Variants in DENND1B observed in about 807,000 individuals in gnomAD.
The protein encoded by DENND1B is DENN domain-containing protein 1B.
Under a neutral mutation model 90.1 loss-of-function variants are expected in DENND1B, and 59 were observed. That is an observed-to-expected ratio of 0.65 (90% confidence interval 0.53 to 0.81). DENND1B has a LOEUF of 0.81. Ranked by LOEUF, DENND1B falls within the 40% of genes least tolerant of loss-of-function variation. The pLI is 0.00. For synonymous variants in DENND1B, 337 were observed against 324.6 expected, an observed-to-expected ratio of 1.04 and a Z score of -0.41; for missense variants, 862 against 912.6, an observed-to-expected ratio of 0.94 and a Z score of 0.71.
intron 10 of DENND1B, among the ~76,000 whole-genome samples, chr1:197,636,803 G>A (rs141200545): frequency 6.6e-6 from 1 of 152,212 alleles, no homozygotes; most frequent in Non-Finnish European, 1.5e-5. Context: ...AGGAATCGGA[G>A]AAGAAAAGAT....
intron 3 of DENND1B, among the ~76,000 whole-genome samples, chr1:197,679,608 C>T (rs1656448660): frequency 6.7e-6 from 1 of 150,070 alleles, no homozygotes; most frequent in Non-Finnish European, 1.5e-5. Flanking sequence ...TATTTATGTA[C>T]TTACATATAT....
chr1:197,514,227 G>GCTTT (rs762997479), intron 20 of DENND1B, among the ~76,000 whole-genome samples: 3 of 151,616 alleles, frequency 2.0e-5, no homozygotes, highest in Non-Finnish European at 4.4e-5. Flanking sequence ...ATAAAGAAGA[G>GCTTT]CTTTACCTTA....
chr1:197,648,792 C>T (rs960031399), intron 7 of DENND1B, among the ~76,000 whole-genome samples: 2 of 152,110 alleles, frequency 1.3e-5, no homozygotes, highest in African/African-American at 2.4e-5. Context: ...GATCTCCTTT[C>T]CTTTTCCCTA....
chr1:197,561,622 T>G (rs1240228182), intron 15 of DENND1B, among the ~76,000 whole-genome samples: 1 of 151,824 alleles, frequency 6.6e-6, no homozygotes, highest in East Asian at 1.9e-4. Context: ...TCCATCCACT[T>G]ACCTAATCAA....
chr1:197,541,136 G>C (rs971161711), intron 18 of DENND1B, 121 bp from the exon 19 acceptor site: 2 of 888,000 alleles, frequency 2.3e-6, no homozygotes, highest in African/African-American at 3.5e-5. Flanking sequence ...AAAAAGAACA[G>C]ATTATAATCT....
intron 20 of DENND1B, among the ~76,000 whole-genome samples, chr1:197,537,502 A>T (rs1669998519): frequency 6.6e-6 from 1 of 152,114 alleles, no homozygotes; most frequent in Non-Finnish European, 1.5e-5. Flanking sequence ...TGTGAGGACT[A>T]TAGTTAATAA....
At chr1:197,754,659 C>CAAAAAAAAAAAAAAAAAAAA (rs57926782) in intron 2 of DENND1B, among the ~76,000 whole-genome samples, 6 of 72,894 alleles carry the variant, frequency 8.2e-5, no homozygotes, top group African/African-American at 2.2e-4. Flanking sequence ...GACTCTGTCT[C>CAAAAAAAAAAAAAAAAAAAA]AAAAAAAAAA....
chr1:197,529,889 C>T (rs554478809), intron 20 of DENND1B, among the ~76,000 whole-genome samples: 1 of 152,242 alleles, frequency 6.6e-6, no homozygotes, highest in Non-Finnish European at 1.5e-5. Context: ...TCTCAGTGGA[C>T]TCACTGGCCC....
At chr1:197,565,016 A>G (rs1437094867) in intron 15 of DENND1B, among the ~76,000 whole-genome samples, 1 of 151,940 alleles carries the variant, frequency 6.6e-6, no homozygotes, top group African/African-American at 2.4e-5. Context: ...TCATTTTTTC[A>G]TGTTATAAAA....
At chr1:197,751,437 A>G (rs1252032258) in intron 2 of DENND1B, among the ~76,000 whole-genome samples, 2 of 152,224 alleles carry the variant, frequency 1.3e-5, no homozygotes, top group African/African-American at 2.4e-5. Context: ...ACACTGCTTA[A>G]AAGTCAATTT....
chr1:197,668,286 A>C (rs1655142496), intron 5 of DENND1B, among the ~76,000 whole-genome samples: 1 of 151,804 alleles, frequency 6.6e-6, no homozygotes, highest in Non-Finnish European at 1.5e-5. Context: ...AAGTCTATTA[A>C]GAATTATGTG....
rs994916770 is a variant in DENND1B at position 197,725,734 on chromosome 1, A to C, written c.83-10660T>G. 6.6e-5 allele frequency among the ~76,000 whole-genome samples: 10 copies of C among 151,990 alleles called. No homozygotes were observed. The East Asian group carries it at 1.9e-3, about 29-fold the overall frequency. On this transcript the variant is annotated intron_variant, in intron 2 of 22. Transcript: ENST00000620048. ...GAGGTCAGAGAGTTAAGGGGGAACA[A>C]GCAGAACATAAAGGGCCTTGAGAGT...
chr1:197,551,344 G>C (rs1671226311), intron 16 of DENND1B, among the ~76,000 whole-genome samples: 1 of 151,982 alleles, frequency 6.6e-6, no homozygotes. Flanking sequence ...TGTCAAATTA[G>C]GCTTTCCTTT....
intron 20 of DENND1B, among the ~76,000 whole-genome samples, chr1:197,521,123 G>A (rs1209907492): frequency 6.6e-6 from 1 of 151,962 alleles, no homozygotes; most frequent in African/African-American, 2.4e-5. Flanking sequence ...TACACAAAAT[G>A]TGACAGAGGT....
At chr1:197,745,047 A>G (rs1386949497) in intron 2 of DENND1B, among the ~76,000 whole-genome samples, 2 of 152,134 alleles carry the variant, frequency 1.3e-5, no homozygotes, top group Admixed American at 6.5e-5. Context: ...GAGAGTTAAG[A>G]CCTTGCTCTG....
At chr1:197,631,559 T>A (rs1219346717) in intron 10 of DENND1B, among the ~76,000 whole-genome samples, 1 of 151,960 alleles carries the variant, frequency 6.6e-6, no homozygotes, top group Non-Finnish European at 1.5e-5. Context: ...ATATTTGAAA[T>A]CATAATTTAA....
intron 6 of DENND1B, among the ~76,000 whole-genome samples, chr1:197,656,876 T>C (rs1167792711): frequency 1.3e-5 from 2 of 152,134 alleles, no homozygotes; most frequent in Non-Finnish European, 2.9e-5. Context: ...TAGAATTTTG[T>C]TCATTCAAAA....
intron 2 of DENND1B, among the ~76,000 whole-genome samples, chr1:197,744,803 G>A (rs974446743): frequency 9.2e-5 from 14 of 152,022 alleles, no homozygotes; most frequent in African/African-American, 3.4e-4. Flanking sequence ...TTTAATATAA[G>A]GCTGTTTCAT....
chr1:197,583,302 G>T, intron 14 of DENND1B, 49 bp from the exon 15 acceptor site: 1 of 1,557,752 alleles, frequency 6.4e-7, no homozygotes, highest in South Asian at 1.1e-5. Context: ...GTTAGTCAGA[G>T]AGAACTAGTC....
Sources: gnomAD v4.1 joint callset for allele counts (sites outside exome capture counted in the v4.1 genomes callset) on GRCh38, gnomAD v4.1.1 for gene constraint, MANE v1.5 for transcripts, NCBI Gene and HGNC (gene_info 2026-07-23, HGNC 2026-07-21) for gene names.